DRICH1: variants seen among roughly 807,000 people sequenced by gnomAD.
The protein encoded by DRICH1 is aspartate-rich protein 1.
In DRICH1, 38 loss-of-function variants were observed where a neutral mutation model predicts 39.5. The ratio of observed to expected loss-of-function variants is 0.96; its 90% CI spans 0.74 to 1.26. DRICH1 has a LOEUF of 1.26. DRICH1 is among the 50% of genes most tolerant of loss of function. The pLI is 0.00. For missense variants in DRICH1, 279 were observed against 270.4 expected (o/e 1.03, Z -0.22); for synonymous variants, 84 against 99.5 (o/e 0.84, Z 0.93).
At chr22:23,588,786 A>T in the DRICH1 span, among the ~76,000 whole-genome samples, 8 of 151,828 alleles carry the variant, frequency 5.3e-5, no homozygotes, top group African/African-American at 1.9e-4. Context: ...GTATCTCACA[A>T]TTTTTTTTAG....
chr22:23,626,165 A>G (rs1481469726), intron 1 of DRICH1, 117 bp from the exon 2 acceptor site: 8 of 700,744 alleles, frequency 1.1e-5, no homozygotes, highest in Non-Finnish European at 2.0e-5. Flanking sequence ...AGACCATCTC[A>G]GAGAAACAAC....
At chr22:23,622,450 G>C (rs1403301845) in intron 3 of DRICH1, among the ~76,000 whole-genome samples, 1 of 152,136 alleles carries the variant, frequency 6.6e-6, no homozygotes, top group East Asian at 1.9e-4. Flanking sequence ...AGGGTCAATG[G>C]AAGAGTGCCT....
the DRICH1 span, among the ~76,000 whole-genome samples, chr22:23,601,846 T>A: frequency 6.6e-6 from 1 of 152,230 alleles, no homozygotes; most frequent in Non-Finnish European, 1.5e-5. Context: ...AAAGCAACAG[T>A]ATAGGGTCAG....
intron 1 of DRICH1, among the ~76,000 whole-genome samples, chr22:23,631,479 G>C (rs1219338452): frequency 6.6e-6 from 1 of 151,940 alleles, no homozygotes; most frequent in Non-Finnish European, 1.5e-5. Flanking sequence ...GCTACCTTAA[G>C]AGATGGAAGA....
chr22:23,605,930 A>T (rs1926702068), downstream of DRICH1, among the ~76,000 whole-genome samples: 1 of 151,954 alleles, frequency 6.6e-6, no homozygotes, highest in Non-Finnish European at 1.5e-5. Flanking sequence ...TAAAAAAATT[A>T]GCCAGCCATT....
At position 23,631,827 on chromosome 22, in the gene DRICH1, T is replaced by G; in HGVS notation, c.197A>C (p.Lys66Thr). 1.2e-6 allele frequency: 2 copies of G among 1,612,210 alleles called. No individual in the cohort carries two copies. The highest frequency in any genetic ancestry group is 1.7e-6 in the Non-Finnish European group (2 of 1,179,984). Residue 66 changes from lysine (K) to threonine (T), a missense_variant, in exon 1 of 12, where the codon AAG (lysine) becomes ACG (threonine). By Grantham distance (78) the Lys-to-Thr change is moderately conservative (BLOSUM62 -1). Coordinates refer to ENST00000317749, the MANE Select transcript of DRICH1 (RefSeq NM_016449.4). Reference protein sequence around the residue: ...GQDLQHISNQKMPTGPPEDRL... With the variant: ...GQDLQHISNQTMPTGPPEDRL... The stretch of plus-strand genomic sequence containing the variant: ...CGTGGCTTTTTTACCTGTGGGCATC[T>G]TTTGGTTGCTGATGTGCTGCAGGTC...
the DRICH1 span, among the ~76,000 whole-genome samples, chr22:23,603,174 AAT>A: frequency 6.6e-6 from 1 of 151,846 alleles, no homozygotes; most frequent in Non-Finnish European, 1.5e-5. Context: ...CCCCAAAACA[AAT>A]TTCTCGAAGT....
chr22:23,604,676 G>T (rs955046464), downstream of DRICH1, among the ~76,000 whole-genome samples: 8 of 152,180 alleles, frequency 5.3e-5, no homozygotes, highest in Non-Finnish European at 1.2e-4. Flanking sequence ...GGCCACTGCA[G>T]GGGTAGGGCA....
chr22:23,603,621 C>T (rs1569083117), downstream of DRICH1, among the ~76,000 whole-genome samples: 1 of 152,282 alleles, frequency 6.6e-6, no homozygotes, highest in East Asian at 1.9e-4. Context: ...GGTCTCCTCT[C>T]CACTGGCACT....
intron 7 of DRICH1, 28 bp from the exon 8 acceptor site, chr22:23,616,902 A>C (rs1032912299): frequency 5.0e-6 from 8 of 1,613,352 alleles, no homozygotes; most frequent in Non-Finnish European, 6.8e-6. Flanking sequence ...AAGATGCTGT[A>C]AGGATCAGAT....
At chr22:23,629,180 A>C (rs933284381) in intron 1 of DRICH1, among the ~76,000 whole-genome samples, 1 of 152,146 alleles carries the variant, frequency 6.6e-6, no homozygotes, top group African/African-American at 2.4e-5. Flanking sequence ...CTGGGATTAC[A>C]GGCACCCACC....
the DRICH1 span, among the ~76,000 whole-genome samples, chr22:23,582,561 A>ATTAT: frequency 4.9e-5 from 7 of 144,090 alleles, no homozygotes; most frequent in South Asian, 6.7e-4. Context: ...GGGGCTTATT[A>ATTAT]TTATTATTAT....
chr22:23,603,221 T>C, the DRICH1 span, among the ~76,000 whole-genome samples: 1 of 127,392 alleles, frequency 7.8e-6, no homozygotes, highest in Non-Finnish European at 1.8e-5. Context: ...TACATTTTTA[T>C]GATTTTTCAT....
downstream of DRICH1, among the ~76,000 whole-genome samples, chr22:23,606,484 G>A (rs1343208907): frequency 2.0e-5 from 3 of 152,066 alleles, no homozygotes; most frequent in East Asian, 1.9e-4. Context: ...CGGTTGGGGC[G>A]CAGCTCTTTT....
At chr22:23,596,305 G>A in the DRICH1 span, among the ~76,000 whole-genome samples, 1 of 152,140 alleles carries the variant, frequency 6.6e-6, no homozygotes. Context: ...CTTGCATCCA[G>A]GCTGGAGTGC....
intron 3 of DRICH1, 105 bp from the exon 4 acceptor site, chr22:23,622,281 A>T: frequency 1.0e-6 from 1 of 1,002,748 alleles, no homozygotes; most frequent in Non-Finnish European, 1.6e-6. Context: ...ATTAACAAGC[A>T]TGGACTGAGT....
At chr22:23,618,111 T>C (rs1324116602) in intron 6 of DRICH1, among the ~76,000 whole-genome samples, 3 of 142,406 alleles carry the variant, frequency 2.1e-5, no homozygotes, top group East Asian at 2.1e-4. Context: ...TGATCACACA[T>C]TCTTTTTTTT....
At chr22:23,599,802 C>A in the DRICH1 span, among the ~76,000 whole-genome samples, 1 of 152,206 alleles carries the variant, frequency 6.6e-6, no homozygotes, top group Non-Finnish European at 1.5e-5. Flanking sequence ...TGCCCCTCAT[C>A]GTCTTCACAG....
the DRICH1 span, among the ~76,000 whole-genome samples, chr22:23,603,288 C>T: frequency 1.9e-3 from 294 of 152,022 alleles, 5 homozygotes; most frequent in African/African-American, 6.8e-3. Context: ...CCGCTACTCC[C>T]CATCAACCTC....
Sources: allele counts gnomAD v4.1 joint callset (sites outside exome capture counted in the v4.1 genomes callset), GRCh38; gene constraint gnomAD v4.1.1; transcripts MANE v1.5; gene names NCBI Gene and HGNC (gene_info 2026-07-23, HGNC 2026-07-21).